The following CDH13 variants were observed in gnomAD, a reference collection of about 807,000 sequenced individuals.
The protein encoded by CDH13 is cadherin 13.
In CDH13, 24 loss-of-function variants were observed where a neutral mutation model predicts 63.8. The ratio of observed to expected loss-of-function variants is 0.38; its 90% CI spans 0.27 to 0.53. The LOEUF (loss-of-function observed/expected upper bound fraction) is 0.53. Among genes scored for constraint, CDH13 ranks in the 20% least tolerant of loss-of-function variants. The probability of loss-of-function intolerance (pLI) is 0.85; values close to 1 mark genes in which losing one functional copy is unlikely to be tolerated. For missense variants in CDH13, 1,049 were observed against 903.1 expected (o/e 1.16, Z -2.07); for synonymous variants, 503 against 355.3 (o/e 1.42, Z -4.67).
intron 1 of CDH13, among the ~76,000 whole-genome samples, chr16:82,814,917 C>G (rs970754214): frequency 2.0e-5 from 3 of 152,056 alleles, no homozygotes; most frequent in African/African-American, 7.2e-5. Context: ...CCGCTGGTGT[C>G]CACTGAAGAA....
chr16:82,874,266 T>C (rs919930539), intron 2 of CDH13, among the ~76,000 whole-genome samples: 4 of 152,160 alleles, frequency 2.6e-5, no homozygotes, highest in African/African-American at 9.7e-5. Context: ...GATTTCAGAA[T>C]TGCAGATTGC....
Position 83,308,479 on chromosome 16 carries a change from C to T in CDH13, c.637-36383C>T, listed in dbSNP as rs182979329. 7.2e-5 allele frequency among the ~76,000 whole-genome samples: 11 copies of T among 152,310 alleles called. No individual in the cohort carries two copies. In the East Asian group the frequency reaches 1.9e-3, roughly 27 times the overall value. On this transcript the variant is annotated intron_variant, in intron 5 of 13. Coordinates refer to ENST00000567109, the MANE Select transcript of CDH13 (RefSeq NM_001257.5). ...TGAATTCCTTCAAACTTGAGAATTA[C>T]ATTTACTCTCCACACAAAGGGAGTA...
At chr16:83,120,667 G>A (rs1006570790) in intron 3 of CDH13, among the ~76,000 whole-genome samples, 6 of 151,274 alleles carry the variant, frequency 4.0e-5, no homozygotes, top group South Asian at 4.2e-4. Context: ...TATATTTTAC[G>A]TATTTCCTAT....
chr16:82,750,864 T>C (rs942732500), intron 1 of CDH13, among the ~76,000 whole-genome samples: 11 of 152,198 alleles, frequency 7.2e-5, no homozygotes, highest in African/African-American at 2.7e-4. Flanking sequence ...GGCAAATATT[T>C]AGTAGGCACT....
At chr16:83,528,049 A>G (rs2075002420) in intron 7 of CDH13, among the ~76,000 whole-genome samples, 1 of 152,188 alleles carries the variant, frequency 6.6e-6, no homozygotes, top group South Asian at 2.1e-4. Context: ...CAGAGCTGAT[A>G]ATGAGCCAGA....
intron 4 of CDH13, among the ~76,000 whole-genome samples, chr16:83,176,687 A>T (rs889763816): frequency 6.6e-6 from 1 of 152,084 alleles, no homozygotes; most frequent in Non-Finnish European, 1.5e-5. Context: ...TGGAAGGAGA[A>T]TTACTGTCTT....
intron 2 of CDH13, among the ~76,000 whole-genome samples, chr16:82,977,455 A>T (rs1055827910): frequency 5.3e-5 from 8 of 152,158 alleles, no homozygotes; most frequent in African/African-American, 1.9e-4. Context: ...ACCTAGTGGG[A>T]GGTAATTTAA....
chr16:82,851,400 A>G (rs938119768), intron 1 of CDH13, among the ~76,000 whole-genome samples: 3 of 148,056 alleles, frequency 2.0e-5, no homozygotes, highest in African/African-American at 7.5e-5. Flanking sequence ...GCACCTCTGC[A>G]CTCCAGCCTG....
intron 1 of CDH13, among the ~76,000 whole-genome samples, chr16:82,787,559 G>C (rs2036078017): frequency 6.6e-6 from 1 of 152,144 alleles, no homozygotes; most frequent in South Asian, 2.1e-4. Context: ...AATTTATCGA[G>C]CATTTATTGT....
At chr16:83,359,035 G>A (rs1375943754) in intron 6 of CDH13, among the ~76,000 whole-genome samples, 1 of 152,116 alleles carries the variant, frequency 6.6e-6, no homozygotes, top group Non-Finnish European at 1.5e-5. Context: ...AGGGGCCAGA[G>A]AGGAAAACTT....
chr16:82,695,439 C>T (rs931737350), intron 1 of CDH13, among the ~76,000 whole-genome samples: 6 of 152,098 alleles, frequency 3.9e-5, no homozygotes, highest in Admixed American at 1.3e-4. Context: ...CGATCTGTTC[C>T]TATATCTCTA....
intron 1 of CDH13, among the ~76,000 whole-genome samples, chr16:82,791,736 C>T (rs1037012780): frequency 2.0e-5 from 3 of 152,198 alleles, no homozygotes; most frequent in African/African-American, 7.2e-5. Context: ...TGCCATTGTT[C>T]CCGCAAGGCT....
chr16:83,296,737 C>G (rs2089607794), intron 5 of CDH13, among the ~76,000 whole-genome samples: 2 of 152,150 alleles, frequency 1.3e-5, no homozygotes. Flanking sequence ...AATCTCACTA[C>G]TATTTGAATA....
intron 2 of CDH13, among the ~76,000 whole-genome samples, chr16:82,984,000 G>T (rs549563853): frequency 6.6e-6 from 1 of 152,350 alleles, no homozygotes; most frequent in African/African-American, 2.4e-5. Flanking sequence ...TCTGCCGTGG[G>T]TGGGAAGCTG....
At chr16:83,633,079 G>C (rs1910926263) in intron 8 of CDH13, among the ~76,000 whole-genome samples, 1 of 152,168 alleles carries the variant, frequency 6.6e-6, no homozygotes, top group Admixed American at 6.5e-5. Flanking sequence ...TGCCGTCTTG[G>C]TTTTGGTAGG....
intron 3 of CDH13, among the ~76,000 whole-genome samples, chr16:83,063,740 A>G (rs1156533758): frequency 6.6e-6 from 1 of 152,248 alleles, no homozygotes; most frequent in Non-Finnish European, 1.5e-5. Flanking sequence ...CAAAAGTTCA[A>G]AATGAGTTTC....
chr16:83,420,422 C>T (rs1048769473), intron 6 of CDH13, among the ~76,000 whole-genome samples: 1 of 152,126 alleles, frequency 6.6e-6, no homozygotes, highest in East Asian at 1.9e-4. Context: ...GGACAGCTCC[C>T]TAGAAAGCTT....
intron 5 of CDH13, among the ~76,000 whole-genome samples, chr16:83,285,292 T>A (rs1040407733): frequency 6.6e-6 from 1 of 152,176 alleles, no homozygotes; most frequent in African/African-American, 2.4e-5. Flanking sequence ...CTGGTCCTAG[T>A]CAATTTCTCC....
At chr16:83,742,700 G>A (rs1207781815) in intron 10 of CDH13, among the ~76,000 whole-genome samples, 1 of 152,188 alleles carries the variant, frequency 6.6e-6, no homozygotes, top group Non-Finnish European at 1.5e-5. Flanking sequence ...GTCTTGAGCT[G>A]TTCTCCCTCC....
Sources: gnomAD v4.1 joint callset for allele counts (sites outside exome capture counted in the v4.1 genomes callset) on GRCh38, gnomAD v4.1.1 for gene constraint, MANE v1.5 for transcripts, NCBI Gene and HGNC (gene_info 2026-07-23, HGNC 2026-07-21) for gene names.